CTNNA3: variants seen among roughly 807,000 people sequenced by gnomAD.
CTNNA3 encodes the protein catenin alpha-3.
Under a neutral mutation model 95.7 loss-of-function variants are expected in CTNNA3, and 76 were observed. The observed-to-expected ratio is 0.79, with a 90% CI of 0.66 to 0.96. The LOEUF (loss-of-function observed/expected upper bound fraction) is 0.96. CTNNA3 is among the 40% of genes least tolerant of loss of function. CTNNA3 has a pLI of 0.00. For missense variants in CTNNA3, 1,191 were observed against 1,089.8 expected (o/e 1.09, Z -1.31); for synonymous variants, 431 against 374.4 (o/e 1.15, Z -1.74).
intron 7 of CTNNA3, among the ~76,000 whole-genome samples, chr10:66,992,334 A>G (rs1851086427): frequency 6.6e-6 from 1 of 151,926 alleles, no homozygotes; most frequent in South Asian, 2.1e-4. Context: ...TCAACTGTTT[A>G]TATCCTTTGC....
intron 13 of CTNNA3, among the ~76,000 whole-genome samples, chr10:66,105,543 T>A (rs1163177815): frequency 6.6e-6 from 1 of 152,234 alleles, no homozygotes; most frequent in Non-Finnish European, 1.5e-5. Context: ...TCCTATAGTT[T>A]ATTCAACCCC....
chr10:67,232,147 G>T (rs532072203), intron 5 of CTNNA3, among the ~76,000 whole-genome samples: 1 of 151,990 alleles, frequency 6.6e-6, no homozygotes, highest in Non-Finnish European at 1.5e-5. Flanking sequence ...TTCAGATTCA[G>T]GAAATACAGA....
At chr10:66,893,929 T>G (rs952477724) in intron 7 of CTNNA3, among the ~76,000 whole-genome samples, 7 of 152,150 alleles carry the variant, frequency 4.6e-5, no homozygotes, top group African/African-American at 1.7e-4. Flanking sequence ...TTTTTGTATC[T>G]AATGCTGTAA....
intron 7 of CTNNA3, among the ~76,000 whole-genome samples, chr10:66,916,692 A>G (rs959158526): frequency 6.6e-6 from 1 of 152,216 alleles, no homozygotes; most frequent in Non-Finnish European, 1.5e-5. Flanking sequence ...AGGCACCTGG[A>G]GACAAAGTGG....
At chr10:67,577,841 A>G (rs1842222197) in intron 3 of CTNNA3, among the ~76,000 whole-genome samples, 1 of 151,084 alleles carries the variant, frequency 6.6e-6, no homozygotes, top group Non-Finnish European at 1.5e-5. Flanking sequence ...TCTTTTTTAT[A>G]TATTGGCTTC....
intron 5 of CTNNA3, among the ~76,000 whole-genome samples, chr10:67,224,406 A>C (rs1435583959): frequency 6.6e-6 from 1 of 152,196 alleles, no homozygotes; most frequent in Non-Finnish European, 1.5e-5. Flanking sequence ...CCAAGTTGTC[A>C]TAAGTGGTGG....
intron 10 of CTNNA3, among the ~76,000 whole-genome samples, chr10:66,521,802 T>C (rs1841076467): frequency 6.6e-6 from 1 of 152,144 alleles, no homozygotes. Flanking sequence ...ATTGCTTTGA[T>C]TGTGATGTCT....
At chr10:67,712,311 T>C in intron 1 of CTNNA3, among the ~76,000 whole-genome samples, 1 of 152,148 alleles carries the variant, frequency 6.6e-6, no homozygotes, top group East Asian at 1.9e-4. Flanking sequence ...TGAGGAGAAA[T>C]CCAAGCTGGC....
intron 1 of CTNNA3, among the ~76,000 whole-genome samples, chr10:67,679,895 C>T (rs371874441): frequency 5.3e-5 from 8 of 152,028 alleles, no homozygotes; most frequent in South Asian, 2.1e-4. Context: ...TCTGAACATA[C>T]GAACAAAGAT....
intron 17 of CTNNA3, among the ~76,000 whole-genome samples, chr10:65,942,085 A>G (rs1183886551): frequency 6.6e-6 from 1 of 152,240 alleles, no homozygotes; most frequent in African/African-American, 2.4e-5. Flanking sequence ...ACATTTTACT[A>G]GATTTCAGAG....
chr10:66,147,719 G>T (rs934555044), intron 13 of CTNNA3, among the ~76,000 whole-genome samples: 2 of 146,256 alleles, frequency 1.4e-5, no homozygotes, highest in Admixed American at 7.1e-5. Context: ...TGTAAGATAC[G>T]TTTATAAAAG....
At chr10:66,041,221 T>C (rs370373647) in intron 15 of CTNNA3, among the ~76,000 whole-genome samples, 3 of 152,146 alleles carry the variant, frequency 2.0e-5, no homozygotes, top group Non-Finnish European at 4.4e-5. Flanking sequence ...TATAACTGAC[T>C]AGTATTCTTT....
intron 11 of CTNNA3, among the ~76,000 whole-genome samples, chr10:66,496,249 T>C (rs542168107): frequency 6.6e-6 from 1 of 152,216 alleles, no homozygotes; most frequent in African/African-American, 2.4e-5. Context: ...ATGTCAACCT[T>C]GATTTTTTAA....
At chr10:67,365,522 T>G (rs1201368172) in intron 5 of CTNNA3, among the ~76,000 whole-genome samples, 1 of 152,012 alleles carries the variant, frequency 6.6e-6, no homozygotes, top group Non-Finnish European at 1.5e-5. Flanking sequence ...CTTAAACAAA[T>G]TTACAAGAAA....
chr10:66,122,075 C>G (rs2082609275), intron 13 of CTNNA3, among the ~76,000 whole-genome samples: 1 of 152,034 alleles, frequency 6.6e-6, no homozygotes, highest in African/African-American at 2.4e-5. Context: ...TAAAATACTA[C>G]TCTTAATAAA....
chr10:67,497,415 T>C (rs554599115), intron 5 of CTNNA3, among the ~76,000 whole-genome samples: 6 of 152,328 alleles, frequency 3.9e-5, no homozygotes, highest in Non-Finnish European at 7.4e-5. Flanking sequence ...GTCTTTATAG[T>C]AGAATGATTT....
chr10:66,571,384 T>A (rs1325865031), intron 10 of CTNNA3, among the ~76,000 whole-genome samples: 3 of 152,200 alleles, frequency 2.0e-5, no homozygotes, highest in Admixed American at 2.0e-4. Context: ...CATACTTTCA[T>A]ATAAATTGTT....
At chr10:67,011,834 A>G (rs188648896) in intron 7 of CTNNA3, among the ~76,000 whole-genome samples, 54 of 152,292 alleles carry the variant, frequency 3.5e-4, no homozygotes, top group African/African-American at 1.2e-3. Flanking sequence ...AATTTGCCCA[A>G]GGACCTACAG....
At chr10:67,171,892 T>G (rs1176736047) in intron 7 of CTNNA3, among the ~76,000 whole-genome samples, 5 of 152,214 alleles carry the variant, frequency 3.3e-5, no homozygotes, top group Non-Finnish European at 7.3e-5. Flanking sequence ...AAAATTAAAA[T>G]TCAGCTTGTT....
Sources: gnomAD v4.1 joint callset for allele counts (sites outside exome capture counted in the v4.1 genomes callset) on GRCh38, gnomAD v4.1.1 for gene constraint, MANE v1.5 for transcripts, NCBI Gene and HGNC (gene_info 2026-07-23, HGNC 2026-07-21) for gene names.